The following ASIC2 variants were observed in gnomAD, a reference collection of about 807,000 sequenced individuals.
The protein encoded by ASIC2 is acid-sensing ion channel 2.
A neutral mutation model predicts 57.3 loss-of-function variants in ASIC2; 25 were observed. That is an observed-to-expected ratio of 0.44 (90% CI 0.32 to 0.61). The LOEUF (loss-of-function observed/expected upper bound fraction) is 0.61, where lower values mean the gene tolerates loss of function less well. ASIC2 is among the 20% of genes least tolerant of loss of function. The pLI, the probability that ASIC2 is intolerant of heterozygous loss-of-function variation, is 0.06. For synonymous variants in ASIC2, 319 were observed against 307.5 expected (o/e 1.04, Z -0.39); for missense variants, 641 against 738.1 (o/e 0.87, Z 1.52).
chr17:34,028,024 T>C (rs537677884), intron 1 of ASIC2, among the ~76,000 whole-genome samples: 1 of 152,166 alleles, frequency 6.6e-6, no homozygotes, highest in Non-Finnish European at 1.5e-5. Flanking sequence ...ATATTCCACA[T>C]ATATGAGGAA....
At chr17:33,286,992 T>C (rs1005803835) in intron 1 of ASIC2, among the ~76,000 whole-genome samples, 2 of 152,184 alleles carry the variant, frequency 1.3e-5, no homozygotes, top group Admixed American at 6.5e-5. Context: ...ATATGATAAT[T>C]ATATGAATAG....
intron 1 of ASIC2, among the ~76,000 whole-genome samples, chr17:33,223,975 T>C (rs774769479): frequency 1.3e-5 from 2 of 152,196 alleles, no homozygotes; most frequent in Non-Finnish European, 2.9e-5. Context: ...CACATGACAT[T>C]AGAAAGGACA....
chr17:33,720,306 T>C (rs1298491717), intron 1 of ASIC2, among the ~76,000 whole-genome samples: 1 of 152,250 alleles, frequency 6.6e-6, no homozygotes, highest in Non-Finnish European at 1.5e-5. Flanking sequence ...CTTTGAGTTT[T>C]CTTTGATGCC....
chr17:33,606,537 C>G (rs1905236382), intron 1 of ASIC2, among the ~76,000 whole-genome samples: 1 of 152,196 alleles, frequency 6.6e-6, no homozygotes. Context: ...CCCCTCCAAC[C>G]TACCACCTTG....
intron 1 of ASIC2, among the ~76,000 whole-genome samples, chr17:33,845,395 G>A (rs546004045): frequency 3.3e-5 from 5 of 152,100 alleles, no homozygotes; most frequent in African/African-American, 1.2e-4. Context: ...TGAGTGAAGG[G>A]TGCACCTGTA....
intron 1 of ASIC2, among the ~76,000 whole-genome samples, chr17:33,385,737 T>A (rs1487170020): frequency 6.6e-6 from 1 of 152,136 alleles, no homozygotes; most frequent in Non-Finnish European, 1.5e-5. Context: ...GAAAGAAGTG[T>A]CCAGTGTGAG....
chr17:33,292,151 C>A lies in ASIC2; in HGVS notation c.-36G>T. On this transcript the variant is annotated 5_prime_UTR_variant, in exon 1 of 10. Transcript: ENST00000225823. ...CGCGGCTGGCGGCAGCGGCGGCGGC[C>A]CCGGCCGGGCGGAGCCGCCATGGGA... 1 of 1,027,684 alleles carries A rather than the reference C, an allele frequency of 9.7e-7. No homozygotes were observed. Among genetic ancestry groups the A allele is most frequent in the Non-Finnish European group, 1.2e-6 (1 of 859,566 alleles). 63.7% of individuals were successfully genotyped at this position (1,027,684 alleles called of 1,614,324 possible).
chr17:33,013,876 G>T lies in ASIC2; in HGVS notation c.*89C>A. On this transcript the variant is annotated 3_prime_UTR_variant, in exon 10 of 10. Transcript: ENST00000225823. The stretch of plus-strand genomic sequence containing the variant: ...GGGCTCTTGCTTCTTTCCAGCACTG[G>T]GGCCATCCCACCTGAGCTTGCTGTT... 8.5e-7 allele frequency: 1 copy of T among 1,182,668 alleles called. No homozygotes were observed. Among genetic ancestry groups the T allele is most frequent in the Non-Finnish European group, 1.2e-6 (1 of 812,286 alleles). 73.3% of individuals were successfully genotyped at this position (1,182,668 alleles called of 1,614,324 possible). A position where few individuals can be genotyped will look rare whatever the true frequency, so the allele number is the denominator to read the frequency against.
At chr17:33,103,863 T>C (rs1441220400) in intron 2 of ASIC2, among the ~76,000 whole-genome samples, 1 of 152,198 alleles carries the variant, frequency 6.6e-6, no homozygotes, top group Non-Finnish European at 1.5e-5. Flanking sequence ...GAGGGATATT[T>C]GTATGGCTGC....
At chr17:33,043,113 G>C (rs1359703949) in intron 3 of ASIC2, among the ~76,000 whole-genome samples, 1 of 152,148 alleles carries the variant, frequency 6.6e-6, no homozygotes, top group Non-Finnish European at 1.5e-5. Context: ...TTTTAGTAGA[G>C]ACAGGGTTTC....
intron 1 of ASIC2, among the ~76,000 whole-genome samples, chr17:34,068,319 T>G (rs1448663787): frequency 6.6e-6 from 1 of 152,188 alleles, no homozygotes; most frequent in Non-Finnish European, 1.5e-5. Flanking sequence ...AGGGTTTTTC[T>G]GGGTTACAGG....
At chr17:33,727,532 G>T (rs983729745) in intron 1 of ASIC2, among the ~76,000 whole-genome samples, 1 of 152,082 alleles carries the variant, frequency 6.6e-6, no homozygotes, top group Non-Finnish European at 1.5e-5. Flanking sequence ...CCTCCTTGCT[G>T]TGATGGTGAG....
At chr17:33,958,333 G>T (rs1904808079) in intron 1 of ASIC2, among the ~76,000 whole-genome samples, 1 of 152,194 alleles carries the variant, frequency 6.6e-6, no homozygotes, top group Non-Finnish European at 1.5e-5. Context: ...TTTGTGTGGG[G>T]GGTCTAACCT....
At chr17:33,346,842 C>T (rs139023219) in intron 1 of ASIC2, among the ~76,000 whole-genome samples, 73 of 152,144 alleles carry the variant, frequency 4.8e-4, no homozygotes, top group African/African-American at 1.5e-3. Flanking sequence ...AGAGCAAGAC[C>T]GAGGAGCCAG....
chr17:33,221,576 A>C (rs1244784275), intron 1 of ASIC2, among the ~76,000 whole-genome samples: 1 of 152,254 alleles, frequency 6.6e-6, no homozygotes, highest in East Asian at 1.9e-4. Flanking sequence ...AAAGTTATTT[A>C]AGATGTTTAT....
intron 1 of ASIC2, among the ~76,000 whole-genome samples, chr17:33,736,388 A>G (rs1018499386): frequency 4.6e-5 from 7 of 152,142 alleles, no homozygotes; most frequent in African/African-American, 1.4e-4. Context: ...ACATTTTGGA[A>G]GGGAAATACA....
intron 2 of ASIC2, among the ~76,000 whole-genome samples, chr17:33,096,965 C>A (rs2092182731): frequency 2.0e-5 from 3 of 152,208 alleles, no homozygotes; most frequent in Admixed American, 1.3e-4. Context: ...TTCGTTAACA[C>A]CTCACAGTTA....
intron 1 of ASIC2, among the ~76,000 whole-genome samples, chr17:33,687,885 A>C (rs1908244533): frequency 2.6e-5 from 4 of 152,210 alleles, no homozygotes; most frequent in Admixed American, 1.3e-4. Flanking sequence ...GCTCTTCCCA[A>C]AAGCAATTAC....
chr17:33,745,137 T>G (rs1910220907), intron 1 of ASIC2, among the ~76,000 whole-genome samples: 1 of 152,198 alleles, frequency 6.6e-6, no homozygotes, highest in Non-Finnish European at 1.5e-5. Flanking sequence ...CTTTGGCACT[T>G]GAGCCACAAC....
Sources: gnomAD v4.1 joint callset for allele counts (sites outside exome capture counted in the v4.1 genomes callset) on GRCh38, gnomAD v4.1.1 for gene constraint, MANE v1.5 for transcripts, NCBI Gene and HGNC (gene_info 2026-07-23, HGNC 2026-07-21) for gene names.